Variants in IPO11 observed in about 807,000 individuals in gnomAD.
IPO11 encodes importin-11.
Under a neutral mutation model 143.2 loss-of-function variants are expected in IPO11, and 66 were observed. That is an observed-to-expected ratio of 0.46 (90% CI 0.38 to 0.57). IPO11 has a LOEUF of 0.57. Ranked by LOEUF, IPO11 falls within the 20% of genes least tolerant of loss-of-function variation. IPO11 has a pLI of 0.00. For missense variants in IPO11, 1,026 were observed against 1,141.0 expected, an observed-to-expected ratio of 0.90 and a Z score of 1.45; for synonymous variants, 385 against 377.8, an observed-to-expected ratio of 1.02 and a Z score of -0.22.
intron 29 of IPO11, among the ~76,000 whole-genome samples, chr5:62,623,376 G>A (rs1425129816): frequency 2.0e-5 from 3 of 152,056 alleles, no homozygotes; most frequent in African/African-American, 7.2e-5. Flanking sequence ...TTCAAATTTA[G>A]CAATTATTTA....
chr5:62,562,795 G>T (rs1743816273), intron 27 of IPO11, among the ~76,000 whole-genome samples: 1 of 152,120 alleles, frequency 6.6e-6, no homozygotes, highest in South Asian at 2.1e-4. Context: ...TTGTATTAAG[G>T]ACATATGTAA....
At chr5:62,469,039 T>C (rs115035438) in intron 6 of IPO11, among the ~76,000 whole-genome samples, 2,807 of 152,280 alleles carry the variant, frequency 0.018, 29 homozygotes, top group Middle Eastern at 0.054. Context: ...GTGACACCTG[T>C]GACAGAGGCT....
chr5:62,620,472 TTG>T (rs1299516375), intron 29 of IPO11, among the ~76,000 whole-genome samples: 30 of 145,900 alleles, frequency 2.1e-4, no homozygotes, highest in Non-Finnish European at 4.0e-4. Context: ...TGAGCCAAGA[TTG>T]TGCCACTGCA....
At chr5:62,574,537 C>G (rs1056197043) in intron 27 of IPO11, among the ~76,000 whole-genome samples, 1 of 152,078 alleles carries the variant, frequency 6.6e-6, no homozygotes, top group Admixed American at 6.6e-5. Context: ...GATTAGTGTT[C>G]CAAAGGTTTC....
At chr5:62,491,111 T>C (rs1260895827) in intron 15 of IPO11, among the ~76,000 whole-genome samples, 2 of 152,230 alleles carry the variant, frequency 1.3e-5, no homozygotes, top group Non-Finnish European at 2.9e-5. Context: ...ACTGATTCAC[T>C]TCAGTATACC....
chr5:62,580,396 T>C (rs913247024), intron 27 of IPO11: 1 of 1,550,818 alleles, frequency 6.4e-7, no homozygotes, highest in Non-Finnish European at 8.7e-7. Flanking sequence ...TAATGATACA[T>C]TTGAAAATAT....
intron 27 of IPO11, among the ~76,000 whole-genome samples, chr5:62,582,908 T>C (rs557410887): frequency 4.6e-5 from 7 of 152,296 alleles, no homozygotes; most frequent in Non-Finnish European, 1.0e-4. Context: ...CTTAATATAT[T>C]TGAGAGAAAA....
At chr5:62,623,410 CTT>C (rs1746442024) in intron 29 of IPO11, among the ~76,000 whole-genome samples, 1 of 152,088 alleles carries the variant, frequency 6.6e-6, no homozygotes, top group Non-Finnish European at 1.5e-5. Context: ...ATGGAAAACA[CTT>C]TAGCAAAATT....
intron 15 of IPO11, among the ~76,000 whole-genome samples, chr5:62,493,649 CCT>C (rs1486615469): frequency 6.6e-6 from 1 of 151,426 alleles, no homozygotes; most frequent in Non-Finnish European, 1.5e-5. Context: ...TTATTGCCAA[CCT>C]CTGTCTCTTG....
At chr5:62,476,431 A>G (rs1745959079) in intron 8 of IPO11, among the ~76,000 whole-genome samples, 2 of 152,202 alleles carry the variant, frequency 1.3e-5, no homozygotes, top group South Asian at 4.1e-4. Context: ...TCCATGATTC[A>G]TTGCTAAAAC....
At chr5:62,436,171 A>G (rs1744225847) in intron 1 of IPO11, among the ~76,000 whole-genome samples, 1 of 152,218 alleles carries the variant, frequency 6.6e-6, no homozygotes, top group Non-Finnish European at 1.5e-5. Flanking sequence ...TAGGTTTTGA[A>G]ATGGTTGATT....
intron 4 of IPO11, among the ~76,000 whole-genome samples, chr5:62,451,258 G>T (rs1254839165): frequency 6.6e-6 from 1 of 152,124 alleles, no homozygotes; most frequent in African/African-American, 2.4e-5. Flanking sequence ...GATATTTACT[G>T]TATTATAAAT....
chr5:62,501,477 T>C (rs1741346333), intron 16 of IPO11, among the ~76,000 whole-genome samples: 1 of 152,236 alleles, frequency 6.6e-6, no homozygotes, highest in Non-Finnish European at 1.5e-5. Flanking sequence ...ATAATTGATA[T>C]GTCTATTAAT....
intron 29 of IPO11, among the ~76,000 whole-genome samples, chr5:62,623,060 A>G (rs1015954935): frequency 6.6e-6 from 1 of 152,202 alleles, no homozygotes; most frequent in Non-Finnish European, 1.5e-5. Context: ...GAGTTAGGAG[A>G]GTTTATATCC....
chr5:62,565,576 C>T (rs549988607), intron 27 of IPO11, among the ~76,000 whole-genome samples: 76 of 152,252 alleles, frequency 5.0e-4, no homozygotes, highest in Admixed American at 1.1e-3. Flanking sequence ...CTTCATCATT[C>T]CCCCACATTT....
intron 3 of IPO11, among the ~76,000 whole-genome samples, chr5:62,448,282 G>C (rs902961924): frequency 5.3e-5 from 8 of 151,872 alleles, no homozygotes; most frequent in Non-Finnish European, 4.4e-5. Context: ...TCCCAGGCCA[G>C]ACAGGGCAGG....
chr5:62,418,603 C>T (rs1353671875), intron 1 of IPO11, among the ~76,000 whole-genome samples: 1 of 152,104 alleles, frequency 6.6e-6, no homozygotes, highest in African/African-American at 2.4e-5. Context: ...GAGGAGTGAG[C>T]CCTTTTAGAT....
intron 19 of IPO11, among the ~76,000 whole-genome samples, chr5:62,513,421 C>A (rs1369002839): frequency 7.1e-6 from 1 of 141,624 alleles, no homozygotes; most frequent in African/African-American, 2.6e-5. Flanking sequence ...CTGACCCCCC[C>A]CCCACCTCCC....
At chr5:62,435,150 A>ATATGTGTATATATGTGTATATATG (rs1221203328) in intron 1 of IPO11, among the ~76,000 whole-genome samples, 1 of 98,164 alleles carries the variant, frequency 1.0e-5, no homozygotes, top group African/African-American at 4.4e-5. Context: ...ATATGTATAT[A>ATATGTGTATATATGTGTATATATG]TGTATATATA....
Sources: gnomAD v4.1 joint callset for allele counts (sites outside exome capture counted in the v4.1 genomes callset) on GRCh38, gnomAD v4.1.1 for gene constraint, MANE v1.5 for transcripts, NCBI Gene and HGNC (gene_info 2026-07-23, HGNC 2026-07-21) for gene names.